FILIP1L: variants seen among roughly 807,000 people sequenced by gnomAD.
FILIP1L encodes the protein filamin A-interacting protein 1-like.
Under a neutral mutation model 96.6 loss-of-function variants are expected in FILIP1L, and 55 were observed. The observed-to-expected ratio is 0.57, with a 90% CI of 0.46 to 0.71. FILIP1L has a LOEUF of 0.71. Among genes scored for constraint, FILIP1L ranks in the 30% least tolerant of loss-of-function variants. The pLI is 0.00. For missense variants in FILIP1L, 1,304 were observed against 1,321.2 expected (o/e 0.99, Z 0.20); for synonymous variants, 467 against 473.9 (o/e 0.99, Z 0.19).
intron 4 of FILIP1L, among the ~76,000 whole-genome samples, chr3:99,871,522 C>G (rs1944785331): frequency 6.6e-6 from 1 of 152,118 alleles, no homozygotes; most frequent in Admixed American, 6.5e-5. Context: ...AATTTAATGT[C>G]ACATCACAGT....
At chr3:99,890,370 T>C (rs1037975713) in intron 4 of FILIP1L, among the ~76,000 whole-genome samples, 4 of 152,144 alleles carry the variant, frequency 2.6e-5, no homozygotes, top group African/African-American at 7.2e-5. Flanking sequence ...TTCATTGAGC[T>C]TCCTGAGTCT....
chr3:99,950,000 G>C (rs754570619), intron 1 of FILIP1L, among the ~76,000 whole-genome samples: 69 of 152,028 alleles, frequency 4.5e-4, no homozygotes, highest in Non-Finnish European at 1.2e-4. Flanking sequence ...CATAATCAAA[G>C]GTATGCTTCT....
chr3:99,846,109 A>G (rs1943353308), intron 5 of FILIP1L, among the ~76,000 whole-genome samples: 1 of 151,932 alleles, frequency 6.6e-6, no homozygotes, highest in South Asian at 2.1e-4. Context: ...TGGCTCCCAA[A>G]CTCTATTAGT....
chr3:99,995,141 A>G (rs547622051), intron 1 of FILIP1L, among the ~76,000 whole-genome samples: 1 of 152,360 alleles, frequency 6.6e-6, no homozygotes, highest in African/African-American at 2.4e-5. Context: ...ATGAGCCAGT[A>G]AAATCAAAAG....
chr3:100,052,318 T>A (rs1471142763), intron 1 of FILIP1L, among the ~76,000 whole-genome samples: 1 of 152,254 alleles, frequency 6.6e-6, no homozygotes, highest in Middle Eastern at 3.2e-3. Flanking sequence ...AATAACCTTC[T>A]TATTGAATGG....
At chr3:100,018,011 AG>A (rs1710394557) in intron 1 of FILIP1L, among the ~76,000 whole-genome samples, 1 of 152,054 alleles carries the variant, frequency 6.6e-6, no homozygotes, top group South Asian at 2.1e-4. Context: ...AGGATTTTTA[AG>A]TTGTGCACAG....
intron 5 of FILIP1L, among the ~76,000 whole-genome samples, chr3:99,837,346 G>A (rs1403598584): frequency 6.6e-6 from 1 of 151,594 alleles, no homozygotes; most frequent in Non-Finnish European, 1.5e-5. Context: ...CTTCAAAAGT[G>A]ACTGATCTCA....
intron 1 of FILIP1L, among the ~76,000 whole-genome samples, chr3:99,953,316 A>G (rs147582884): frequency 1.4e-3 from 209 of 152,168 alleles, no homozygotes; most frequent in African/African-American, 4.7e-3. Flanking sequence ...TTGCTTCTAG[A>G]CATAGGGCAA....
At chr3:99,977,009 G>T (rs188055175) in intron 1 of FILIP1L, among the ~76,000 whole-genome samples, 1 of 152,142 alleles carries the variant, frequency 6.6e-6, no homozygotes, top group Admixed American at 6.5e-5. Flanking sequence ...TATGATCACC[G>T]TTTAGCAAGT....
intron 1 of FILIP1L, among the ~76,000 whole-genome samples, chr3:100,105,930 A>G (rs2066387663): frequency 6.6e-6 from 1 of 152,174 alleles, no homozygotes; most frequent in Non-Finnish European, 1.5e-5. Flanking sequence ...CTTCAAACTT[A>G]GAAACATCAT....
intron 4 of FILIP1L, among the ~76,000 whole-genome samples, chr3:99,896,103 GAAA>G (rs923066942): frequency 6.8e-6 from 1 of 147,030 alleles, no homozygotes; most frequent in Non-Finnish European, 1.5e-5. Flanking sequence ...TAAACTTTTA[GAAA>G]AAAAAAAGGA....
At position 99,877,800 on chromosome 3, in the gene FILIP1L, A is replaced by T. The variant is rs570422927; in HGVS notation, c.606-26730T>A. Among the ~76,000 whole-genome samples the T allele has an allele frequency of 1.6e-4, 24 of 152,274 alleles. No homozygotes were observed. The East Asian group carries it at 4.4e-3, about 28-fold the overall frequency. ...CAAATGAGATTAAATGACTTTTATG[A>T]AAGTTGTATGATGCATAAACACCTG... On this transcript the variant is annotated intron_variant, in intron 4 of 5. Coordinates refer to ENST00000477258, the MANE Select transcript of FILIP1L (RefSeq NM_001387850.1).
chr3:100,040,851 G>A (rs1220911489), intron 1 of FILIP1L: 1 of 152,190 alleles, frequency 6.6e-6, no homozygotes, highest in Non-Finnish European at 1.5e-5. Context: ...CTTTGTCAGT[G>A]GCTGGGTAGA....
At chr3:99,926,954 A>C (rs571436368) in intron 3 of FILIP1L, among the ~76,000 whole-genome samples, 1 of 152,308 alleles carries the variant, frequency 6.6e-6, no homozygotes, top group Non-Finnish European at 1.5e-5. Context: ...CATCACTGAC[A>C]GCATGATTTT....
intron 5 of FILIP1L, among the ~76,000 whole-genome samples, chr3:99,831,954 C>T (rs1209442505): frequency 6.6e-6 from 1 of 152,112 alleles, no homozygotes; most frequent in Non-Finnish European, 1.5e-5. Flanking sequence ...CTGTGAAAGG[C>T]CGAGACAGAT....
chr3:99,930,134 A>T, intron 2 of FILIP1L, 105 bp from the exon 3 acceptor site: 1 of 891,750 alleles, frequency 1.1e-6, no homozygotes. Flanking sequence ...TTTCAAATCT[A>T]AATGAATCAT....
intron 1 of FILIP1L, among the ~76,000 whole-genome samples, chr3:100,031,850 A>G (rs1576656179): frequency 6.6e-6 from 1 of 152,202 alleles, no homozygotes; most frequent in Non-Finnish European, 1.5e-5. Context: ...TGCTGGCCAT[A>G]TGGTCTGTGT....
intron 1 of FILIP1L, among the ~76,000 whole-genome samples, chr3:100,087,665 C>A (rs2066034498): frequency 6.6e-6 from 1 of 151,746 alleles, no homozygotes; most frequent in African/African-American, 2.4e-5. Flanking sequence ...TTTTTTTCCC[C>A]AGTCTTTGGT....
chr3:99,951,376 C>CG (rs957328833), intron 1 of FILIP1L, among the ~76,000 whole-genome samples: 75 of 152,106 alleles, frequency 4.9e-4, no homozygotes, highest in African/African-American at 1.8e-3. Context: ...GGGTACAGGA[C>CG]GTGGTCTGTT....
Sources: gnomAD v4.1 joint callset for allele counts (sites outside exome capture counted in the v4.1 genomes callset) on GRCh38, gnomAD v4.1.1 for gene constraint, MANE v1.5 for transcripts, NCBI Gene and HGNC (gene_info 2026-07-23, HGNC 2026-07-21) for gene names.